STXBP4: variants seen among roughly 807,000 people sequenced by gnomAD.
STXBP4 encodes the protein syntaxin binding protein 4.
STXBP4 carries 55 observed loss-of-function variants against 76.1 expected under a neutral mutation model. That is an observed-to-expected ratio of 0.72 (90% CI 0.58 to 0.91). The LOEUF (loss-of-function observed/expected upper bound fraction) is 0.91, where lower values mean the gene tolerates loss of function less well. Ranked by LOEUF, STXBP4 falls within the 40% of genes least tolerant of loss-of-function variation. The probability of loss-of-function intolerance (pLI) is 0.00; values close to 1 mark genes in which losing one functional copy is unlikely to be tolerated. For synonymous variants in STXBP4, 201 were observed against 220.2 expected, an observed-to-expected ratio of 0.91 and a Z score of 0.77; for missense variants, 618 against 636.9, an observed-to-expected ratio of 0.97 and a Z score of 0.32.
At position 55,160,811 on chromosome 17, in the gene STXBP4, A is replaced by C. The variant is rs1182978500; in HGVS notation, c.*900A>C. ...AAACCCTTCCCCCTTCTCTGCACCC[A>C]AGCCTTCGCCAAGTAGGCGCACTCT... On this transcript the variant is annotated 3_prime_UTR_variant, in exon 18 of 18. Transcript: ENST00000376352. The C allele has an allele frequency of 6.6e-6, 1 of 152,208 alleles. No homozygotes were observed. The highest frequency in any genetic ancestry group is 1.9e-4 in the East Asian group (1 of 5,188). 9.4% of individuals were successfully genotyped at this position (152,208 alleles called of 1,614,324 possible).
At chr17:55,159,744 ATG>A in intron 17 of STXBP4, 51 bp from the exon 18 acceptor site, 7 of 1,225,540 alleles carry the variant, frequency 5.7e-6, no homozygotes, top group Non-Finnish European at 7.2e-6. Context: ...ACTTGCATGG[ATG>A]AGTAGAAGGA....
At chr17:55,178,414 C>T (rs1404189307), downstream of STXBP4, among the ~76,000 whole-genome samples, 2 of 152,196 alleles carry the variant, frequency 1.3e-5, no homozygotes, top group African/African-American at 4.8e-5. Flanking sequence ...AATAAAGTTA[C>T]TTACCTGCTG....
chr17:55,108,729 G>GGGCTGCACCCACTGTCTA (rs2079670838), intron 16 of STXBP4, among the ~76,000 whole-genome samples: 1 of 152,136 alleles, frequency 6.6e-6, no homozygotes, highest in East Asian at 1.9e-4. Context: ...CACCCTCCAT[G>GGGCTGCACCCACTGTCTA]GGCTGCACCC....
rs2080377474 is a variant in STXBP4, at chr17:55,166,295, C to T, written c.*6384C>T. 1 of 152,164 alleles carries T rather than the reference C, an allele frequency of 6.6e-6. No individual in the cohort carries two copies. The highest frequency in any genetic ancestry group is 1.5e-5 in the Non-Finnish European group (1 of 68,034). 9.4% of individuals were successfully genotyped at this position (152,164 alleles called of 1,614,324 possible). A position where few individuals can be genotyped will look rare whatever the true frequency, so the allele number is the denominator to read the frequency against. ...GCTTATTTATTTTTCAAGTCTTTCT[C>T]ATTTCTTACCTGGATGCTTTCAACA... On this transcript the variant is annotated 3_prime_UTR_variant, in exon 18 of 18. Transcript: ENST00000376352.
chr17:55,106,284 C>CTT (rs779246143), intron 16 of STXBP4, among the ~76,000 whole-genome samples: 1 of 143,038 alleles, frequency 7.0e-6, no homozygotes, highest in Non-Finnish European at 1.5e-5. Context: ...GCAACCCCTG[C>CTT]TTTTTTTTTT....
chr17:55,013,002 C>T (rs750855626), intron 8 of STXBP4, among the ~76,000 whole-genome samples: 6 of 152,218 alleles, frequency 3.9e-5, no homozygotes, highest in Non-Finnish European at 8.8e-5. Context: ...TTTAAGTAAA[C>T]GGTTGTCTGA....
intron 17 of STXBP4, among the ~76,000 whole-genome samples, chr17:55,154,565 G>T (rs1477202018): frequency 6.6e-6 from 1 of 152,112 alleles, no homozygotes; most frequent in South Asian, 2.1e-4. Context: ...ATGAAAAACA[G>T]CATCAATTTT....
chr17:55,030,511 G>T (rs1256013754), intron 8 of STXBP4, among the ~76,000 whole-genome samples: 3 of 152,168 alleles, frequency 2.0e-5, no homozygotes, highest in Non-Finnish European at 4.4e-5. Flanking sequence ...TAGCTGCATG[G>T]CAGTGTTTTC....
At chr17:55,117,729 A>G (rs2079797927) in intron 16 of STXBP4, among the ~76,000 whole-genome samples, 1 of 151,940 alleles carries the variant, frequency 6.6e-6, no homozygotes, top group African/African-American at 2.4e-5. Context: ...TGAATGATGG[A>G]CAGAATGTTT....
At chr17:54,974,049 A>T (rs572698504) in intron 1 of STXBP4, among the ~76,000 whole-genome samples, 19 of 152,148 alleles carry the variant, frequency 1.2e-4, no homozygotes, top group Admixed American at 2.6e-4. Context: ...TATTATTTTA[A>T]ATTTTGGTAT....
At position 55,164,693 on chromosome 17, in the gene STXBP4, C is replaced by A. The variant is rs2080367420; in HGVS notation, c.*4782C>A. The A allele has an allele frequency of 6.6e-6, 1 of 151,174 alleles. No homozygotes were observed. The highest frequency in any genetic ancestry group is 1.5e-5 in the Non-Finnish European group (1 of 67,792). 9.4% of individuals were successfully genotyped at this position (151,174 alleles called of 1,614,324 possible). The stretch of plus-strand genomic sequence containing the variant: ...GGTCTCGATCTCCTGACCTCATGAT[C>A]CACCCGCCTCGGCCTCCCAAAGTGC... On this transcript the variant is annotated 3_prime_UTR_variant, in exon 18 of 18. Coordinates refer to ENST00000376352, the MANE Select transcript of STXBP4 (RefSeq NM_178509.6).
chr17:55,023,888 G>A, intron 8 of STXBP4, among the ~76,000 whole-genome samples: 1 of 90,144 alleles, frequency 1.1e-5, no homozygotes. Flanking sequence ...AGAAACACAA[G>A]ATTCTGCAAG....
chr17:55,000,064 A>G (rs2077882805), intron 6 of STXBP4, among the ~76,000 whole-genome samples: 1 of 152,228 alleles, frequency 6.6e-6, no homozygotes, highest in Admixed American at 6.5e-5. Flanking sequence ...GTTAGAAAAT[A>G]CCAGCATGAC....
chr17:55,140,812 A>G (rs1459559751), intron 16 of STXBP4, among the ~76,000 whole-genome samples: 1 of 152,196 alleles, frequency 6.6e-6, no homozygotes, highest in Non-Finnish European at 1.5e-5. Context: ...TCACTTTGCT[A>G]AACTTTCAAA....
intron 12 of STXBP4, among the ~76,000 whole-genome samples, chr17:55,054,270 T>A (rs2078896861): frequency 2.6e-5 from 4 of 152,142 alleles, no homozygotes; most frequent in Admixed American, 1.3e-4. Flanking sequence ...GTGGATCACT[T>A]GAGGCCAGAA....
In STXBP4 at chr17:55,164,609, C is replaced by T. The variant is rs1420452201; in HGVS notation, c.*4698C>T. ...GGGACTACAGGCGCCCGCCACCGCG[C>T]CCGGCTAATTTTTTTTGTATTTTTA... On this transcript the variant is annotated 3_prime_UTR_variant, in exon 18 of 18. Transcript: ENST00000376352. The T allele has an allele frequency of 6.6e-6, 1 of 150,988 alleles. No individual in the cohort carries two copies. The highest frequency in any genetic ancestry group is 1.5e-5 in the Non-Finnish European group (1 of 67,726). The allele number at this position is 150,988 out of a possible 1,614,324, so 9.4% of individuals were successfully genotyped here. A position where few individuals can be genotyped will look rare whatever the true frequency, so the allele number is the denominator to read the frequency against.
At chr17:55,083,572 G>A (rs762060264) in intron 16 of STXBP4, among the ~76,000 whole-genome samples, 7 of 152,064 alleles carry the variant, frequency 4.6e-5, no homozygotes, top group Non-Finnish European at 7.3e-5. Context: ...GGTTAATTGC[G>A]CTCAGCTAGG....
Position 55,161,703 on chromosome 17 carries a change from A to ATATTATT in STXBP4, c.*1797_*1803dup, listed in dbSNP as rs1375947148. ...GAAAAAGGCCTAAACAATTGTAATG[A>ATATTATT]TATTATTTATTGGGCATTTTGTGCC... On this transcript the variant is annotated 3_prime_UTR_variant, in exon 18 of 18. Transcript: ENST00000376352. 6.6e-6 allele frequency: 1 copy of ATATTATT among 152,168 alleles called. No homozygotes were observed. The highest frequency in any genetic ancestry group is 1.5e-5 in the Non-Finnish European group (1 of 68,026). 9.4% of individuals were successfully genotyped at this position (152,168 alleles called of 1,614,324 possible). A position where few individuals can be genotyped will look rare whatever the true frequency, so the allele number is the denominator to read the frequency against.
intron 16 of STXBP4, among the ~76,000 whole-genome samples, chr17:55,127,719 A>T (rs1349446996): frequency 6.6e-6 from 1 of 152,208 alleles, no homozygotes; most frequent in African/African-American, 2.4e-5. Flanking sequence ...TTAAAAACAC[A>T]TTTAAAATTT....
Sources: gnomAD v4.1 joint callset for allele counts (sites outside exome capture counted in the v4.1 genomes callset) on GRCh38, gnomAD v4.1.1 for gene constraint, MANE v1.5 for transcripts, NCBI Gene and HGNC (gene_info 2026-07-23, HGNC 2026-07-21) for gene names.